The following MICAL3 variants were observed in gnomAD, a reference collection of about 807,000 sequenced individuals.
MICAL3 encodes the protein microtubule associated monooxygenase, calponin and LIM domain containing 3, also known as [F-actin]-monooxygenase MICAL3.
A neutral mutation model predicts 207.4 loss-of-function variants in MICAL3; 62 were observed. The observed-to-expected ratio is 0.30, with a 90% CI of 0.24 to 0.37. The LOEUF (loss-of-function observed/expected upper bound fraction) is 0.37. Among genes scored for constraint, MICAL3 ranks in the 10% least tolerant of loss-of-function variants. The pLI is 1.00. For missense variants in MICAL3, 2,368 were observed against 2,635.6 expected (o/e 0.90, Z 2.22); for synonymous variants, 1,077 against 1,069.3 (o/e 1.01, Z -0.14).
intron 1 of MICAL3, among the ~76,000 whole-genome samples, chr22:18,011,871 G>A (rs940490831): frequency 1.3e-5 from 2 of 150,886 alleles, no homozygotes; most frequent in African/African-American, 2.4e-5. Context: ...CAGCCTGGGC[G>A]ACGGAGCGAG....
At chr22:17,893,128 G>A (rs1930517533) in intron 11 of MICAL3, among the ~76,000 whole-genome samples, 2 of 152,274 alleles carry the variant, frequency 1.3e-5, no homozygotes, top group South Asian at 2.1e-4. Context: ...CTGGGACCCA[G>A]TTGCACCTGG....
rs200589887 is a variant in MICAL3 at position 17,877,346 on chromosome 22, G to A, written c.2242-5323C>T. On this transcript the variant is annotated intron_variant, in intron 16 of 31. Coordinates refer to ENST00000441493, the MANE Select transcript of MICAL3 (RefSeq NM_015241.3). ...TTAGGGAGGTTATGGAGGTTAGGGAGGTTAGGGAGGTTATGGAGGTTAGGG... is the reference window on the plus strand; with the variant it reads ...TTAGGGAGGTTATGGAGGTTAGGGAAGTTAGGGAGGTTATGGAGGTTAGGG... 2.8e-3 allele frequency among the ~76,000 whole-genome samples: 248 copies of A among 88,282 alleles called. 2 individuals carry two copies. The highest frequency in any genetic ancestry group is 6.1e-3 in the East Asian group (15 of 2,444). The allele number at this position is 88,282 out of a possible 152,430, so 57.9% of individuals were successfully genotyped here.
chr22:17,863,215 A>T, intron 19 of MICAL3: 2 of 985,288 alleles, frequency 2.0e-6, no homozygotes, highest in Non-Finnish European at 2.4e-6. Flanking sequence ...AATAACCTAA[A>T]CTTCACTGTG....
chr22:17,827,770 T>G lies in MICAL3; in HGVS notation c.3067A>C (p.Arg1023=). The G allele has an allele frequency of 1.3e-6, 2 of 1,549,872 alleles. No homozygotes were observed. The highest frequency in any genetic ancestry group is 8.7e-7 in the Non-Finnish European group (1 of 1,146,548). ...EEESSEAGNQ[R]LQQVMHAADP... ...GCCGCGTGCATGACCTGCTGGAGCC[T>G]CTGGTTCCCGGCTAGTGTCCCAGGG... Residue 1023 remains arginine (R), a synonymous_variant, in exon 22 of 32, where the codon AGG becomes CGG. Coordinates refer to ENST00000441493, the MANE Select transcript of MICAL3 (RefSeq NM_015241.3).
At chr22:17,857,332 G>T (rs972280801) in intron 19 of MICAL3, among the ~76,000 whole-genome samples, 4 of 152,184 alleles carry the variant, frequency 2.6e-5, no homozygotes, top group Non-Finnish European at 5.9e-5. Context: ...GTGAGCATGT[G>T]AGGGACCCAC....
intron 21 of MICAL3, among the ~76,000 whole-genome samples, chr22:17,829,640 CCTG>C (rs1291187589): frequency 6.6e-6 from 1 of 152,192 alleles, no homozygotes; most frequent in Non-Finnish European, 1.5e-5. Flanking sequence ...TGCTGTGCTT[CCTG>C]CTAATACATG....
intron 1 of MICAL3, among the ~76,000 whole-genome samples, chr22:17,995,095 C>T (rs1208922647): frequency 1.3e-5 from 2 of 152,178 alleles, no homozygotes; most frequent in African/African-American, 4.8e-5. Flanking sequence ...TTAGCAGAAG[C>T]TCTTGCCCTT....
In MICAL3 at chr22:17,919,076, GT is replaced by G. The variant is rs35096617; in HGVS notation, c.-74-12191del. On this transcript the variant is annotated intron_variant, in intron 1 of 31. Coordinates refer to ENST00000441493, the MANE Select transcript of MICAL3 (RefSeq NM_015241.3). ...CTCCAAATGTTTTTGGTTTTTGTGG[GT>G]TTTTTTTTTTTTTGAGACAGGCTCA... Among the ~76,000 whole-genome samples the G allele has an allele frequency of 2.5e-3, 336 of 136,446 alleles. 5 individuals carry two copies. The highest frequency in any genetic ancestry group is 6.7e-3 in the African/African-American group (228 of 33,860). 89.5% of individuals were successfully genotyped at this position (136,446 alleles called of 152,430 possible). A position where few individuals can be genotyped will look rare whatever the true frequency, so the allele number is the denominator to read the frequency against.
At chr22:17,928,942 C>A (rs1933070115) in intron 1 of MICAL3, among the ~76,000 whole-genome samples, 1 of 151,816 alleles carries the variant, frequency 6.6e-6, no homozygotes, top group African/African-American at 2.4e-5. Context: ...CTACAGGCGC[C>A]CGCCACCACG....
rs1372125336 is a variant in MICAL3, at chr22:17,893,864, T to C, written c.1490A>G (p.His497Arg). ...LYDTGETKDI[H>R]LEMESLVNSR... ...ATTCACCAGGCTCTCCATTTCCAGG[T>C]GAATATCTTTTGTTTCGCCAGTATC... The change falls in exon 11 of 32, where the codon CAC becomes CGC. Residue 497 changes from histidine to arginine, a missense_variant. Around this residue, in one of 4 missense-constraint regions of MICAL3, gnomAD observed 147 missense variants for 137.7 expected, o/e 1.07. Transcript: ENST00000441493. The C allele has an allele frequency of 1.9e-6, 3 of 1,571,516 alleles. No individual in the cohort carries two copies. Among genetic ancestry groups the C allele is most frequent in the Non-Finnish European group, 2.6e-6 (3 of 1,156,886 alleles).
chr22:17,801,913 C>T (rs908257034), intron 29 of MICAL3, among the ~76,000 whole-genome samples: 1 of 151,738 alleles, frequency 6.6e-6, no homozygotes, highest in South Asian at 2.1e-4. Flanking sequence ...AAACAAACAA[C>T]AACAACAACA....
chr22:17,976,535 ATGTG>A (rs148517944), intron 1 of MICAL3, among the ~76,000 whole-genome samples: 10,392 of 95,042 alleles, frequency 0.11, 825 homozygotes, highest in East Asian at 0.21. Flanking sequence ...GTGTATATAT[ATGTG>A]TGTGTGTGTG....
At chr22:17,851,674 A>G (rs1005902742) in intron 19 of MICAL3, among the ~76,000 whole-genome samples, 1 of 152,196 alleles carries the variant, frequency 6.6e-6, no homozygotes, top group Non-Finnish European at 1.5e-5. Context: ...CAGTTCCCCA[A>G]GAACAAATGG....
chr22:17,886,988 C>CAAAAAAGAAAAAAA (rs1929949413), intron 15 of MICAL3, among the ~76,000 whole-genome samples, 182 bp downstream of exon 15: 1 of 41,340 alleles, frequency 2.4e-5, no homozygotes, highest in Non-Finnish European at 4.7e-5. Context: ...ACTCTTGTCT[C>CAAAAAAGAAAAAAA]AAAAAAAAAA....
chr22:17,814,473 TAAC>T, intron 27 of MICAL3: 1 of 152,360 alleles, frequency 6.6e-6, no homozygotes, highest in South Asian at 2.1e-4. Flanking sequence ...GCAAGGAACT[TAAC>T]AATTTGATAA....
intron 29 of MICAL3, among the ~76,000 whole-genome samples, chr22:17,800,964 T>C (rs1305156368): frequency 1.3e-5 from 2 of 152,114 alleles, no homozygotes; most frequent in South Asian, 2.1e-4. Flanking sequence ...CTCCCTGCAG[T>C]GGGGAACGTC....
At chr22:17,942,376 G>C (rs913389206) in intron 1 of MICAL3, among the ~76,000 whole-genome samples, 2 of 152,130 alleles carry the variant, frequency 1.3e-5, no homozygotes, top group Non-Finnish European at 2.9e-5. Context: ...TTGGGAGGGA[G>C]GCTTATCCAG....
At chr22:17,922,502 C>T (rs1932824003) in intron 1 of MICAL3, among the ~76,000 whole-genome samples, 1 of 152,104 alleles carries the variant, frequency 6.6e-6, no homozygotes, top group African/African-American at 2.4e-5. Flanking sequence ...ATGAAAACAA[C>T]AGGACTGTTG....
chr22:17,830,311 G>A (rs541784095), intron 21 of MICAL3, among the ~76,000 whole-genome samples: 4 of 152,326 alleles, frequency 2.6e-5, no homozygotes, highest in African/African-American at 7.2e-5. Flanking sequence ...CACAGGCTCC[G>A]GTCTGGGACT....
Sources: gnomAD v4.1 joint callset for allele counts (sites outside exome capture counted in the v4.1 genomes callset) on GRCh38, gnomAD v4.1.1 for gene constraint, gnomAD v4.1.1 regional missense constraint, MANE v1.5 for transcripts, NCBI Gene and HGNC (gene_info 2026-07-23, HGNC 2026-07-21) for gene names.